The following GDA variants were observed in gnomAD, a reference collection of about 807,000 sequenced individuals.
The protein encoded by GDA is cytoplasmic PSD-95 interactor.
GDA carries 18 observed loss-of-function variants against 59.6 expected under a neutral mutation model. The ratio of observed to expected loss-of-function variants is 0.30; its 90% CI spans 0.21 to 0.45. The LOEUF (loss-of-function observed/expected upper bound fraction) is 0.45. GDA is among the 20% of genes least tolerant of loss of function. The probability of loss-of-function intolerance (pLI) is 1.00; values close to 1 mark genes in which losing one functional copy is unlikely to be tolerated. For missense variants in GDA, 427 were observed against 552.3 expected (o/e 0.77, Z 2.27); for synonymous variants, 201 against 201.1 (o/e 1.00, Z 0.00).
Position 72,205,534 on chromosome 9 carries a change from T to C in GDA, c.384+2792T>C, listed in dbSNP as rs550200486. Among the ~76,000 whole-genome samples the C allele has an allele frequency of 1.8e-4, 27 of 152,320 alleles. No individual in the cohort carries two copies. In the East Asian group the frequency reaches 5.2e-3, roughly 29 times the overall value. ...CAGAACCAGGAAAGGTTCAGAGGAC[T>C]CTGCCCAGCAAGGTGGGCAGGCAGC... On this transcript the variant is annotated intron_variant, in intron 3 of 13. Transcript: ENST00000358399.
At chr9:72,122,697 G>C (rs1386282572) in intron 1 of GDA, among the ~76,000 whole-genome samples, 1 of 151,676 alleles carries the variant, frequency 6.6e-6, no homozygotes, top group Admixed American at 6.6e-5. Flanking sequence ...AGTTTATAAT[G>C]GGATCAAGAG....
chr9:72,167,346 A>G (rs2130909343), intron 1 of GDA, among the ~76,000 whole-genome samples: 1 of 152,174 alleles, frequency 6.6e-6, no homozygotes, highest in South Asian at 2.1e-4. Context: ...CTGATCTCCC[A>G]TCTCCTTAGC....
rs952619470 is a variant in GDA at position 72,189,538 on chromosome 9, G to C, written c.124-5962G>C. Among the ~76,000 whole-genome samples, 11 of 152,154 alleles carry C rather than the reference G, an allele frequency of 7.2e-5. No individual in the cohort carries two copies. In the East Asian group the frequency reaches 1.5e-3, roughly 21 times the overall value. ...CCACTTAAGACTTTTGGGACTACTG[G>C]AATGAGATGAATCTATTTTAGGCCA... On this transcript the variant is annotated intron_variant, in intron 1 of 13. Transcript: ENST00000358399.
intron 1 of GDA, among the ~76,000 whole-genome samples, chr9:72,160,803 C>T (rs1051098186): frequency 3.3e-5 from 5 of 152,206 alleles, no homozygotes; most frequent in African/African-American, 1.2e-4. Context: ...GTTTGCCCAA[C>T]CTTCCACGTT....
chr9:72,213,608 C>T (rs1835674704), intron 4 of GDA, among the ~76,000 whole-genome samples: 1 of 151,314 alleles, frequency 6.6e-6, no homozygotes, highest in Non-Finnish European at 1.5e-5. Context: ...TCGAGACCAT[C>T]TTGGCTAACA....
chr9:72,165,812 T>C (rs1205081306), intron 1 of GDA, among the ~76,000 whole-genome samples: 1 of 151,224 alleles, frequency 6.6e-6, no homozygotes, highest in East Asian at 1.9e-4. Flanking sequence ...GGGGGAGAAC[T>C]GCTCGAATCC....
chr9:72,221,899 T>C (rs1351932929), intron 6 of GDA, among the ~76,000 whole-genome samples: 1 of 152,242 alleles, frequency 6.6e-6, no homozygotes, highest in East Asian at 1.9e-4. Flanking sequence ...TCATTCTCTT[T>C]TTATGGCTGC....
At chr9:72,192,327 G>A (rs1175376889) in intron 1 of GDA, among the ~76,000 whole-genome samples, 1 of 130,368 alleles carries the variant, frequency 7.7e-6, no homozygotes, top group Non-Finnish European at 1.6e-5. Flanking sequence ...TCTGCCTCCC[G>A]GGTTCAAACA....
chr9:72,176,548 G>A (rs531277944), intron 1 of GDA, among the ~76,000 whole-genome samples: 24 of 152,214 alleles, frequency 1.6e-4, no homozygotes, highest in East Asian at 5.8e-4. Flanking sequence ...AATTAATTTC[G>A]GGTACAGCAT....
At chr9:72,218,821 C>CT (rs765999862) in intron 5 of GDA, among the ~76,000 whole-genome samples, 1 of 152,242 alleles carries the variant, frequency 6.6e-6, no homozygotes, top group South Asian at 2.1e-4. Context: ...CTTCATGACT[C>CT]TAACAACCGT....
chr9:72,241,230 A>C lies in GDA; in HGVS notation c.1067A>C (p.Asn356Thr), dbSNP rs1174469764. The stretch of plus-strand genomic sequence containing the variant: ...ATGGTTTCCAATATCCTTTTAATTA[A>C]TAAGGTAAATGAGAAAAGCCTCACC... ...AVMVSNILLI[N>T]KVNEKSLTLK... The change falls in exon 11 of 14, where the codon AAT becomes ACT. Residue 356 changes from asparagine to threonine, a missense_variant. Physicochemically the swap from Asn to Thr is moderately conservative, Grantham distance 65 (BLOSUM62 0). Transcript: ENST00000358399. 4 of 1,610,126 alleles carry C rather than the reference A, an allele frequency of 2.5e-6. No individual in the cohort carries two copies. The highest frequency in any genetic ancestry group is 3.4e-6 in the Non-Finnish European group (4 of 1,176,816).
In GDA at chr9:72,149,568, C is replaced by T; in HGVS notation, c.9C>T (p.Ala3=). The T allele has an allele frequency of 6.2e-7, 1 of 1,611,274 alleles. No individual in the cohort carries two copies. The highest frequency in any genetic ancestry group is 1.1e-5 in the South Asian group (1 of 91,008). Residue 3 remains alanine, a synonymous_variant, in exon 1 of 14, where the codon GCC becomes GCT. Transcript: ENST00000358399. MC[A]AQMPPLAHIF... is the part of the protein sequence containing the mutation. The stretch of plus-strand genomic sequence containing the variant: ...TGCGCTCCGCCGCTGACATGTGTGC[C>T]GCTCAGATGCCGCCCCTGGCGCACA...
At chr9:72,125,859 T>C (rs886836764) in intron 1 of GDA, among the ~76,000 whole-genome samples, 1 of 152,176 alleles carries the variant, frequency 6.6e-6, no homozygotes, top group African/African-American at 2.4e-5. Flanking sequence ...TAATATTACA[T>C]AGTAGATATG....
chr9:72,135,799 C>G (rs1020822159), intron 1 of GDA, among the ~76,000 whole-genome samples: 23 of 151,958 alleles, frequency 1.5e-4, no homozygotes, highest in African/African-American at 4.6e-4. Flanking sequence ...TCAGTGGAGA[C>G]GGGGTTTTAC....
In GDA at chr9:72,248,842, T is replaced by A; in HGVS notation, c.*500T>A. On this transcript the variant is annotated 3_prime_UTR_variant, in exon 14 of 14. Transcript: ENST00000358399. ...GTGTTTGAAAATTATATACTGAGCA[T>A]ACTAATTTAAAAAGAGAACTTGTTG... 2.0e-6 allele frequency: 2 copies of A among 981,826 alleles called. No homozygotes were observed. Among genetic ancestry groups the A allele is most frequent in the Non-Finnish European group, 2.4e-6 (2 of 826,006 alleles). The allele number at this position is 981,826 out of a possible 1,614,324, so 60.8% of individuals were successfully genotyped here. A position where few individuals can be genotyped will look rare whatever the true frequency, so the allele number is the denominator to read the frequency against.
chr9:72,141,286 G>T (rs931907829), intron 1 of GDA, among the ~76,000 whole-genome samples: 1 of 151,988 alleles, frequency 6.6e-6, no homozygotes, highest in Non-Finnish European at 1.5e-5. Context: ...AGTGGGTTTT[G>T]CATTTTATAT....
intron 1 of GDA, among the ~76,000 whole-genome samples, chr9:72,128,478 C>A (rs1825922000): frequency 6.6e-6 from 1 of 151,994 alleles, no homozygotes; most frequent in Non-Finnish European, 1.5e-5. Flanking sequence ...TGAGCACTTG[C>A]CACATGCTAG....
intron 1 of GDA, among the ~76,000 whole-genome samples, chr9:72,141,019 C>G (rs971602811): frequency 2.0e-5 from 3 of 152,178 alleles, no homozygotes; most frequent in African/African-American, 4.8e-5. Flanking sequence ...CATTTCATAG[C>G]ATATTTTGGT....
At chr9:72,259,018 T>C (rs998472073), downstream of GDA, among the ~76,000 whole-genome samples, 2 of 150,970 alleles carry the variant, frequency 1.3e-5, no homozygotes, top group Non-Finnish European at 3.0e-5. Flanking sequence ...ACTGTACAAA[T>C]AATAACTCTT....
Sources: gnomAD v4.1 joint callset for allele counts (sites outside exome capture counted in the v4.1 genomes callset) on GRCh38, gnomAD v4.1.1 for gene constraint, MANE v1.5 for transcripts, NCBI Gene and HGNC (gene_info 2026-07-23, HGNC 2026-07-21) for gene names.